Variants in DSCAM observed in about 807,000 individuals in gnomAD.
The protein encoded by DSCAM is cell adhesion molecule DSCAM.
Under a neutral mutation model 217.7 loss-of-function variants are expected in DSCAM, and 47 were observed. The observed-to-expected ratio is 0.22, with a 90% confidence interval of 0.17 to 0.28. The LOEUF (loss-of-function observed/expected upper bound fraction) is 0.28. DSCAM is among the 10% of genes least tolerant of loss of function. The pLI, the probability that DSCAM is intolerant of heterozygous loss-of-function variation, is 1.00. For missense variants in DSCAM, 2,080 were observed against 2,618.3 expected, an observed-to-expected ratio of 0.79 and a Z score of 4.49; for synonymous variants, 1,056 against 1,015.3, an observed-to-expected ratio of 1.04 and a Z score of -0.76.
At chr21:40,511,710 G>A (rs1269990139) in intron 3 of DSCAM, among the ~76,000 whole-genome samples, 1 of 151,942 alleles carries the variant, frequency 6.6e-6, no homozygotes, top group Non-Finnish European at 1.5e-5. Context: ...AAGTATTCTC[G>A]GCCGGGCGCG....
chr21:40,648,716 A>T (rs1326460333), intron 3 of DSCAM, among the ~76,000 whole-genome samples: 1 of 152,078 alleles, frequency 6.6e-6, no homozygotes, highest in Non-Finnish European at 1.5e-5. Context: ...CACACTCTCC[A>T]TTTTGAGTCC....
chr21:40,753,877 G>C (rs537503801), intron 1 of DSCAM, among the ~76,000 whole-genome samples: 8 of 152,182 alleles, frequency 5.3e-5, no homozygotes, highest in African/African-American at 1.9e-4. Flanking sequence ...GCCTTGTCAC[G>C]AACAAAAACT....
intron 3 of DSCAM, among the ~76,000 whole-genome samples, chr21:40,592,790 A>G (rs1327298720): frequency 6.6e-6 from 1 of 152,136 alleles, no homozygotes; most frequent in Non-Finnish European, 1.5e-5. Context: ...ACCATGGATT[A>G]TATGTTTATT....
chr21:40,223,333 T>C (rs577588999), intron 11 of DSCAM, among the ~76,000 whole-genome samples: 1 of 152,364 alleles, frequency 6.6e-6, no homozygotes, highest in East Asian at 1.9e-4. Context: ...TCAAGTCATT[T>C]CTGAGCCACG....
In DSCAM at chr21:40,112,632, G is replaced by C. The variant is rs549995886; in HGVS notation, c.3696+11563C>G. On this transcript the variant is annotated intron_variant, in intron 20 of 32. Coordinates refer to ENST00000400454, the MANE Select transcript of DSCAM (RefSeq NM_001389.5). ...AAAAAATCAATGAATCCAGGAGGTG[G>C]TTTTTTGAAAAGATCAACAAAATTG... 2.8e-4 allele frequency among the ~76,000 whole-genome samples: 42 copies of C among 152,190 alleles called. 1 individual carries two copies. The South Asian group carries it at 8.7e-3, about 32-fold the overall frequency.
intron 3 of DSCAM, among the ~76,000 whole-genome samples, chr21:40,583,252 C>G (rs2076919083): frequency 6.6e-6 from 1 of 152,210 alleles, no homozygotes; most frequent in South Asian, 2.1e-4. Context: ...ATTGTACCAT[C>G]TGAAGCACTC....
chr21:40,745,712 C>T (rs1186039770), intron 1 of DSCAM, among the ~76,000 whole-genome samples: 3 of 152,000 alleles, frequency 2.0e-5, no homozygotes, highest in East Asian at 3.9e-4. Context: ...AAAGATCTAA[C>T]GGTATAAAAT....
At chr21:40,030,839 T>A (rs2088508384) in intron 32 of DSCAM, among the ~76,000 whole-genome samples, 1 of 152,166 alleles carries the variant, frequency 6.6e-6, no homozygotes, top group South Asian at 2.1e-4. Flanking sequence ...CAGTAGGACC[T>A]GTTCTGAGGG....
At position 40,830,502 on chromosome 21, in the gene DSCAM, C is replaced by G. The variant is rs190804008; in HGVS notation, c.43+16117G>C. Among the ~76,000 whole-genome samples the G allele has an allele frequency of 7.0e-4, 106 of 152,276 alleles. 1 individual carries two copies. Among genetic ancestry groups the G allele is most frequent in the Non-Finnish European group, 1.2e-3 (80 of 68,024 alleles). ...ATCACCACTCTAAATAGTATGTGCA[C>G]TCAGAAACCAGCTGACCTATCTGGG... On this transcript the variant is annotated intron_variant, in intron 1 of 32. Transcript: ENST00000400454.
chr21:40,420,976 G>A (rs1216165771), intron 3 of DSCAM, among the ~76,000 whole-genome samples: 1 of 152,126 alleles, frequency 6.6e-6, no homozygotes, highest in Non-Finnish European at 1.5e-5. Context: ...CTTTGTGATG[G>A]CAGACCCAGC....
chr21:40,824,403 A>ATTTTTTTTTTTGTTTTTTTTTTTTT (rs2091952100), intron 1 of DSCAM, among the ~76,000 whole-genome samples: 1 of 121,030 alleles, frequency 8.3e-6, no homozygotes, highest in African/African-American at 3.5e-5. Context: ...TTTATTATTG[A>ATTTTTTTTTTTGTTTTTTTTTTTTT]TTTTTTTTTT....
At chr21:40,465,551 C>A (rs1206167262) in intron 3 of DSCAM, among the ~76,000 whole-genome samples, 1 of 152,178 alleles carries the variant, frequency 6.6e-6, no homozygotes, top group East Asian at 1.9e-4. Context: ...TCCTTTAGAG[C>A]ACGCATGTCC....
chr21:40,500,810 A>G (rs12482267), intron 3 of DSCAM, among the ~76,000 whole-genome samples: 13,512 of 152,274 alleles, frequency 0.089, 702 homozygotes, highest in Middle Eastern at 0.16. Flanking sequence ...CTTCTGCCCT[A>G]TAGTCTCCTG....
At chr21:40,153,982 A>T (rs930313585) in intron 16 of DSCAM, among the ~76,000 whole-genome samples, 12 of 152,188 alleles carry the variant, frequency 7.9e-5, no homozygotes, top group African/African-American at 2.9e-4. Context: ...TCTTGGGAGT[A>T]ATTTAAAGAT....
At chr21:40,776,719 C>A (rs2091491555) in intron 1 of DSCAM, among the ~76,000 whole-genome samples, 1 of 152,040 alleles carries the variant, frequency 6.6e-6, no homozygotes, top group Non-Finnish European at 1.5e-5. Context: ...CCTTGGGGAC[C>A]AACGTAAGGA....
At chr21:40,538,186 C>T (rs1043530611) in intron 3 of DSCAM, among the ~76,000 whole-genome samples, 1 of 152,152 alleles carries the variant, frequency 6.6e-6, no homozygotes, top group Non-Finnish European at 1.5e-5. Flanking sequence ...TCCTGAGAGC[C>T]CTTCTGCCCT....
chr21:40,432,937 G>C (rs1383172011), intron 3 of DSCAM, among the ~76,000 whole-genome samples: 1 of 152,052 alleles, frequency 6.6e-6, no homozygotes, highest in African/African-American at 2.4e-5. Context: ...ATCGCTTCTC[G>C]TTTGTTCTTC....
At chr21:40,841,810 G>T (rs2123685873) in intron 1 of DSCAM, among the ~76,000 whole-genome samples, 1 of 152,338 alleles carries the variant, frequency 6.6e-6, no homozygotes, top group South Asian at 2.1e-4. Flanking sequence ...CCTTCTGCGG[G>T]CCCGCTACCC....
At chr21:40,796,615 A>G (rs2091694183) in intron 1 of DSCAM, among the ~76,000 whole-genome samples, 1 of 152,186 alleles carries the variant, frequency 6.6e-6, no homozygotes, top group Admixed American at 6.5e-5. Context: ...CTGTCTTGCA[A>G]GTTGGAATCA....
Sources: gnomAD v4.1 joint callset for allele counts (sites outside exome capture counted in the v4.1 genomes callset) on GRCh38, gnomAD v4.1.1 for gene constraint, MANE v1.5 for transcripts, NCBI Gene and HGNC (gene_info 2026-07-23, HGNC 2026-07-21) for gene names.